The following LYRM2 variants were observed in gnomAD, a reference collection of about 807,000 sequenced individuals.
The protein encoded by LYRM2 is LYR motif-containing protein 2.
Under a neutral mutation model 11.6 loss-of-function variants are expected in LYRM2, and 8 were observed. That is an observed-to-expected ratio of 0.69 (90% CI 0.40 to 1.24). The LOEUF (loss-of-function observed/expected upper bound fraction) is 1.24, where lower values mean the gene tolerates loss of function less well. LYRM2 is among the 50% of genes most tolerant of loss of function. The pLI is 0.01. For synonymous variants in LYRM2, 30 were observed against 36.4 expected, an observed-to-expected ratio of 0.83 and a Z score of 0.63; for missense variants, 117 against 102.9, an observed-to-expected ratio of 1.14 and a Z score of -0.59.
At chr6:89,638,475 A>C in intron 1 of LYRM2, 197 bp downstream of exon 1, 4 of 1,500,776 alleles carry the variant, frequency 2.7e-6, no homozygotes. Flanking sequence ...ACGCGATCGC[A>C]CCAAACCAAG....
chr6:89,637,404 A>G (rs1808036512), intron 2 of LYRM2, 51 bp from the exon 3 acceptor site: 1 of 1,167,344 alleles, frequency 8.6e-7, no homozygotes, highest in Non-Finnish European at 1.3e-6. Context: ...TAAACAAGGT[A>G]TAGCTATACC....
chr6:89,638,419 G>C (rs1364976415), intron 1 of LYRM2: 2 of 1,421,780 alleles, frequency 1.4e-6, no homozygotes, highest in Admixed American at 5.9e-5. Flanking sequence ...GCACTGGGCA[G>C]CTGAGGCACC....
rs1278929526 is a variant in LYRM2 at position 89,635,673 on chromosome 6, C to T, written c.*1600G>A. On this transcript the variant is annotated 3_prime_UTR_variant, in exon 3 of 3. Coordinates refer to ENST00000523377, the MANE Select transcript of LYRM2 (RefSeq NM_020466.5). ...CTTCAATTTTCAGGATGGATGATTC[C>T]AACATCTTCCACAAGCTTTCACTTT... 6.6e-6 allele frequency: 1 copy of T among 152,158 alleles called. No individual in the cohort carries two copies. Among genetic ancestry groups the T allele is most frequent in the East Asian group, 1.9e-4 (1 of 5,204 alleles). The allele number at this position is 152,158 out of a possible 1,614,324, so 9.4% of individuals were successfully genotyped here. A position where few individuals can be genotyped will look rare whatever the true frequency, so the allele number is the denominator to read the frequency against.
At chr6:89,638,200 G>A (rs115155032) in intron 1 of LYRM2, 2 of 816,770 alleles carry the variant, frequency 2.4e-6, no homozygotes. Context: ...AAAGCATCAC[G>A]AGGTTCATCT....
chr6:89,632,358 T>G lies in LYRM2; in HGVS notation c.*4915A>C, dbSNP rs1350429960. ...AGTGACAATCCATAGATATAGACAT[T>G]CCTAAAAGAAAAATAATTCAGTAGA... On this transcript the variant is annotated 3_prime_UTR_variant, in exon 3 of 3. Transcript: ENST00000523377. 1 of 70,456 alleles carries G rather than the reference T, an allele frequency of 1.4e-5. No individual in the cohort carries two copies. The highest frequency in any genetic ancestry group is 5.1e-5 in the African/African-American group (1 of 19,580). The allele number at this position is 70,456 out of a possible 1,614,324, so 4.4% of individuals were successfully genotyped here. A position where few individuals can be genotyped will look rare whatever the true frequency, so the allele number is the denominator to read the frequency against.
rs1584056070 is a variant in LYRM2, at chr6:89,635,454, G to T, written c.*1819C>A. The T allele has an allele frequency of 6.6e-6, 1 of 152,208 alleles. No homozygotes were observed. The highest frequency in any genetic ancestry group is 1.9e-4 in the East Asian group (1 of 5,200). 9.4% of individuals were successfully genotyped at this position (152,208 alleles called of 1,614,324 possible). A position where few individuals can be genotyped will look rare whatever the true frequency, so the allele number is the denominator to read the frequency against. ...ACAGTATTCAGAATTATTTTGTCTT[G>T]TGGGCTCTGAGGCTCTGGGAGGTAG... On this transcript the variant is annotated 3_prime_UTR_variant, in exon 3 of 3. Coordinates refer to ENST00000523377, the MANE Select transcript of LYRM2 (RefSeq NM_020466.5).
At chr6:89,637,711 G>A in intron 2 of LYRM2, 31 bp downstream of exon 2, 1 of 1,601,416 alleles carries the variant, frequency 6.2e-7, no homozygotes, top group Non-Finnish European at 8.5e-7. Flanking sequence ...AAAAGGGTTA[G>A]GATCTGTCCT....
intron 1 of LYRM2, chr6:89,638,389 G>C (rs1194044049): frequency 9.3e-6 from 13 of 1,390,950 alleles, no homozygotes; most frequent in Admixed American, 3.1e-5. Context: ...ACAGCTCAGT[G>C]CAATAGACTT....
In LYRM2 at chr6:89,633,016, G is replaced by A. The variant is rs986959589; in HGVS notation, c.*4257C>T. On this transcript the variant is annotated 3_prime_UTR_variant, in exon 3 of 3. Coordinates refer to ENST00000523377, the MANE Select transcript of LYRM2 (RefSeq NM_020466.5). The stretch of plus-strand genomic sequence containing the variant: ...CTGAAAACTAAATTTTAAGTATCAA[G>A]TCTAGACCATAGAGTGCTTTGGTGG... 9 of 152,202 alleles carry A rather than the reference G, an allele frequency of 5.9e-5. No homozygotes were observed. Among genetic ancestry groups the A allele is most frequent in the Non-Finnish European group, 1.3e-4 (9 of 68,044 alleles). 9.4% of individuals were successfully genotyped at this position (152,202 alleles called of 1,614,324 possible). A position where few individuals can be genotyped will look rare whatever the true frequency, so the allele number is the denominator to read the frequency against.
In LYRM2 at chr6:89,634,812, A is replaced by T. The variant is rs568227316; in HGVS notation, c.*2461T>A. ...GGCACTTTTTTATTTTTTTTGAGAC[A>T]AGAGTCTCACTCTTTCGCCCAGGCT... On this transcript the variant is annotated 3_prime_UTR_variant, in exon 3 of 3. Transcript: ENST00000523377. The T allele has an allele frequency of 1.3e-5, 2 of 152,178 alleles. No homozygotes were observed. Among genetic ancestry groups the T allele is most frequent in the African/African-American group, 4.8e-5 (2 of 41,400 alleles). The allele number at this position is 152,178 out of a possible 1,614,324, so 9.4% of individuals were successfully genotyped here.
Position 89,632,385 on chromosome 6 carries a change from A to G in LYRM2, c.*4888T>C, listed in dbSNP as rs971279500. 17 of 152,196 alleles carry G rather than the reference A, an allele frequency of 1.1e-4. No homozygotes were observed. The highest frequency in any genetic ancestry group is 3.3e-4 in the Admixed American group (5 of 15,274). The allele number at this position is 152,196 out of a possible 1,614,324, so 9.4% of individuals were successfully genotyped here. A position where few individuals can be genotyped will look rare whatever the true frequency, so the allele number is the denominator to read the frequency against. On this transcript the variant is annotated 3_prime_UTR_variant, in exon 3 of 3. Transcript: ENST00000523377. ...CTAAAAGAAAAATAATTCAGTAGAT[A>G]TATGTCACTGTTACCTGAATATGGA...
At position 89,634,678 on chromosome 6, in the gene LYRM2, T is replaced by C. The variant is rs1445984783; in HGVS notation, c.*2595A>G. 2 of 152,172 alleles carry C rather than the reference T, an allele frequency of 1.3e-5. No individual in the cohort carries two copies. Among genetic ancestry groups the C allele is most frequent in the Non-Finnish European group, 2.9e-5 (2 of 68,044 alleles). The allele number at this position is 152,172 out of a possible 1,614,324, so 9.4% of individuals were successfully genotyped here. Reference sequence around the variant, plus strand: ...GTGAGCCATGTTCGCGCCACCACACTCCAGCTTGTGCAACAGAGACCCTGT... The same window carrying C: ...GTGAGCCATGTTCGCGCCACCACACCCCAGCTTGTGCAACAGAGACCCTGT... On this transcript the variant is annotated 3_prime_UTR_variant, in exon 3 of 3. Coordinates refer to ENST00000523377, the MANE Select transcript of LYRM2 (RefSeq NM_020466.5).
At position 89,637,866 on chromosome 6, in the gene LYRM2, T is replaced by C. The variant is rs758333754; in HGVS notation, c.62A>G (p.Gln21Arg). 21 of 1,613,840 alleles carry C rather than the reference T, an allele frequency of 1.3e-5. No homozygotes were observed. Among genetic ancestry groups the C allele is most frequent in the Middle Eastern group, 1.6e-4 (1 of 6,084 alleles). The change falls in exon 2 of 3, where the codon CAA (glutamine) becomes CGA (arginine). Residue 21 changes from glutamine (Q) to arginine (R), a missense_variant. Coordinates refer to ENST00000523377, the MANE Select transcript of LYRM2 (RefSeq NM_020466.5). ...AATCCTTCTGTAGAGGAGAAGAACT[T>C]GTTGCCTTCTTACGAACTGTAAAAG... ...LTLKQFVRRQ[Q>R]VLLLYRRILQ... is the part of the protein sequence containing the mutation.
At chr6:89,638,505 G>T in intron 1 of LYRM2, 167 bp downstream of exon 1, 3 of 1,531,258 alleles carry the variant, frequency 2.0e-6, no homozygotes, top group Non-Finnish European at 2.6e-6. Flanking sequence ...AGTGCCTCCC[G>T]TCAGGCCCCG....
chr6:89,632,461 C>T lies in LYRM2; in HGVS notation c.*4812G>A, dbSNP rs916893224. Reference sequence around the variant, plus strand: ...TGAGACAGGGTCTTGCTCTGTCACCCAGACTGGAGTGCAGTGGCATGATCA... The same window carrying T: ...TGAGACAGGGTCTTGCTCTGTCACCTAGACTGGAGTGCAGTGGCATGATCA... On this transcript the variant is annotated 3_prime_UTR_variant, in exon 3 of 3. Coordinates refer to ENST00000523377, the MANE Select transcript of LYRM2 (RefSeq NM_020466.5). The T allele has an allele frequency of 6.6e-6, 1 of 152,102 alleles. No individual in the cohort carries two copies. The highest frequency in any genetic ancestry group is 2.4e-5 in the African/African-American group (1 of 41,392). 9.4% of individuals were successfully genotyped at this position (152,102 alleles called of 1,614,324 possible).
At position 89,633,204 on chromosome 6, in the gene LYRM2, A is replaced by AGAAGAAGAAACAAATAGAGGT; in HGVS notation, c.*4048_*4068dup. The AGAAGAAGAAACAAATAGAGGT allele has an allele frequency of 6.6e-6, 1 of 152,194 alleles. No individual in the cohort carries two copies. The highest frequency in any genetic ancestry group is 2.1e-4 in the South Asian group (1 of 4,830). The allele number at this position is 152,194 out of a possible 1,614,324, so 9.4% of individuals were successfully genotyped here. On this transcript the variant is annotated 3_prime_UTR_variant, in exon 3 of 3. Coordinates refer to ENST00000523377, the MANE Select transcript of LYRM2 (RefSeq NM_020466.5). ...ATCTTGTCTCTTGGAGGTCTGTCGT[A>AGAAGAAGAAACAAATAGAGGT]GAAGAAGAAACAAATAGAGGTGATG...
Position 89,633,490 on chromosome 6 carries a change from A to G in LYRM2, c.*3783T>C, listed in dbSNP as rs1332500630. 2 of 152,370 alleles carry G rather than the reference A, an allele frequency of 1.3e-5. No individual in the cohort carries two copies. The highest frequency in any genetic ancestry group is 3.9e-4 in the East Asian group (2 of 5,190). The allele number at this position is 152,370 out of a possible 1,614,324, so 9.4% of individuals were successfully genotyped here. A position where few individuals can be genotyped will look rare whatever the true frequency, so the allele number is the denominator to read the frequency against. ...CAACTTATAGCCTGTCATGCAGGTC[A>G]TGTTTCAAATCAAGGCTGAAATTTT... On this transcript the variant is annotated 3_prime_UTR_variant, in exon 3 of 3. Transcript: ENST00000523377.
In LYRM2 at chr6:89,638,698, G is replaced by T. The variant is rs762109160; in HGVS notation, c.19C>A (p.Pro7Thr). Residue 7 changes from proline to threonine, a missense_variant, in exon 1 of 3, where the codon CCC becomes ACC. Pro to Thr is a conservative substitution (Grantham distance 38). Transcript: ENST00000523377. The stretch of plus-strand genomic sequence containing the variant: ...TGCTTTAACGTTAGCGTCGCTGGGG[G>T]TAAGCGGGAAGCAGCCATGTCCACC... MAASRLPPATLTLKQFV... is the reference protein window; with the variant it reads MAASRLTPATLTLKQFV... 5 of 1,614,020 alleles carry T rather than the reference G, an allele frequency of 3.1e-6. No individual in the cohort carries two copies. Among genetic ancestry groups the T allele is most frequent in the African/African-American group, 2.7e-5 (2 of 74,932 alleles).
At position 89,635,128 on chromosome 6, in the gene LYRM2, A is replaced by G. The variant is rs1373634809; in HGVS notation, c.*2145T>C. 6.6e-6 allele frequency: 1 copy of G among 152,194 alleles called. No individual in the cohort carries two copies. The highest frequency in any genetic ancestry group is 1.5e-5 in the Non-Finnish European group (1 of 68,038). The allele number at this position is 152,194 out of a possible 1,614,324, so 9.4% of individuals were successfully genotyped here. The stretch of plus-strand genomic sequence containing the variant: ...TGAATCTTGCAAATGCAAACCACAT[A>G]CGCTCTTTAATGAAAACCTTTCCAT... On this transcript the variant is annotated 3_prime_UTR_variant, in exon 3 of 3. Transcript: ENST00000523377.
Sources: allele counts gnomAD v4.1 joint callset, GRCh38; gene constraint gnomAD v4.1.1; transcripts MANE v1.5; gene names NCBI Gene and HGNC (gene_info 2026-07-23, HGNC 2026-07-21).